Variants in RADIL observed in about 807,000 individuals in gnomAD.
The protein encoded by RADIL is Rap associating with DIL domain.
Under a neutral mutation model 97.6 loss-of-function variants are expected in RADIL, and 99 were observed. The observed-to-expected ratio is 1.01, with a 90% CI of 0.86 to 1.20. The LOEUF is 1.20. Among genes scored for constraint, RADIL ranks in the 50% most tolerant of loss-of-function variants. The pLI is 0.00. For missense variants in RADIL, 1,765 were observed against 1,498.9 expected, an observed-to-expected ratio of 1.18 and a Z score of -2.93; for synonymous variants, 803 against 691.8, an observed-to-expected ratio of 1.16 and a Z score of -2.52.
chr7:4,818,272 C>G lies in RADIL; in HGVS notation c.1616-921G>C, dbSNP rs1782732347. Among the ~76,000 whole-genome samples the G allele has an allele frequency of 6.6e-6, 1 of 152,188 alleles. No homozygotes were observed. Among genetic ancestry groups the G allele is most frequent in the Non-Finnish European group, 1.5e-5 (1 of 68,016 alleles). ...GGCCAACACTCACCCCAGCGCGGGC[C>G]TCCCAGGAGCACAGGCCCCCAGCTG... On this transcript the variant is annotated intron_variant, in intron 6 of 14. Transcript: ENST00000399583. This position sits in a 1 kb window ranked among gnomAD's most constrained non-coding sequence, Gnocchi z 7.1.
intron 9 of RADIL, among the ~76,000 whole-genome samples, chr7:4,812,427 A>G (rs1782572412): frequency 6.9e-6 from 1 of 145,876 alleles, no homozygotes; most frequent in Admixed American, 6.9e-5. Flanking sequence ...TTTTTATTTT[A>G]TTATTATTAT....
At chr7:4,839,150 C>G (rs149233091) in intron 2 of RADIL, among the ~76,000 whole-genome samples, 1 of 152,288 alleles carries the variant, frequency 6.6e-6, no homozygotes, top group East Asian at 1.9e-4. Flanking sequence ...CATGATATGA[C>G]GCGTTGGCTC....
intron 2 of RADIL, 69 bp from the exon 3 acceptor site, chr7:4,836,674 A>C: frequency 1.3e-5 from 20 of 1,584,374 alleles, no homozygotes; most frequent in African/African-American, 2.7e-5. Context: ...GCGGTGGCTC[A>C]CCCCTGTAAT....
At position 4,817,365 on chromosome 7, in the gene RADIL, G is replaced by C; in HGVS notation, c.1616-14C>G. ...ATTCCTTCGAGCCTGCCGGGAGACA[G>C]CCACGCCAATGGTCACAACGGGCAC... On this transcript the variant is annotated splice_polypyrimidine_tract_variant and intron_variant, in intron 6 of 14. Transcript: ENST00000399583. The surrounding 1 kb of genome is among the most constrained non-coding windows in gnomAD (Gnocchi z 8.3). 1 of 1,607,226 alleles carries C rather than the reference G, an allele frequency of 6.2e-7. No homozygotes were observed. The highest frequency in any genetic ancestry group is 8.5e-7 in the Non-Finnish European group (1 of 1,177,082).
Position 4,824,182 on chromosome 7 carries a change from C to A in RADIL, c.1455-1628G>T, listed in dbSNP as rs1782911535. Among the ~76,000 whole-genome samples the A allele has an allele frequency of 6.6e-6, 1 of 152,210 alleles. No homozygotes were observed. The highest frequency in any genetic ancestry group is 2.4e-5 in the African/African-American group (1 of 41,456). ...TGCCCCATGGCTGGCCCGGGTACCC[C>A]TTGTCACCTGTGTCCCTTACTGGGG... On this transcript the variant is annotated intron_variant, in intron 5 of 14. Coordinates refer to ENST00000399583, the MANE Select transcript of RADIL (RefSeq NM_018059.5). This position sits in a 1 kb window ranked among gnomAD's most constrained non-coding sequence, Gnocchi z 6.7.
Position 4,813,418 on chromosome 7 carries a change from C to G in RADIL, c.2139+1860G>C, listed in dbSNP as rs544241641. The stretch of plus-strand genomic sequence containing the variant: ...TGCTTTTGGTTCCGTTTTAAAGCCT[C>G]TCTCCATCGCACTCCCTGGAGATTC... On this transcript the variant is annotated intron_variant, in intron 9 of 14. Coordinates refer to ENST00000399583, the MANE Select transcript of RADIL (RefSeq NM_018059.5). This position sits in a 1 kb window ranked among gnomAD's most constrained non-coding sequence, Gnocchi z 5.0. Among the ~76,000 whole-genome samples, 1 of 152,318 alleles carries G rather than the reference C, an allele frequency of 6.6e-6. No individual in the cohort carries two copies. Among genetic ancestry groups the G allele is most frequent in the African/African-American group, 2.4e-5 (1 of 41,580 alleles).
chr7:4,810,315 G>A (rs1782504569), intron 9 of RADIL, among the ~76,000 whole-genome samples: 1 of 151,950 alleles, frequency 6.6e-6, no homozygotes, highest in South Asian at 2.1e-4. Context: ...CACCATGCCT[G>A]GCTAATTTAA....
rs1340991529 is a variant in RADIL at position 4,872,321 on chromosome 7, C to G, written c.535+5284G>C. Among the ~76,000 whole-genome samples, 1 of 152,208 alleles carries G rather than the reference C, an allele frequency of 6.6e-6. No homozygotes were observed. The highest frequency in any genetic ancestry group is 2.4e-5 in the African/African-American group (1 of 41,454). On this transcript the variant is annotated intron_variant, in intron 2 of 14. Coordinates refer to ENST00000399583, the MANE Select transcript of RADIL (RefSeq NM_018059.5). This position sits in a 1 kb window ranked among gnomAD's most constrained non-coding sequence, Gnocchi z 5.8. ...GCTCATCGCCCTGCAACCACGGACG[C>G]CTCCCTCAGCAAAGATGCCCCAACC...
intron 1 of RADIL, among the ~76,000 whole-genome samples, chr7:4,882,833 C>G (rs753126061): frequency 6.6e-6 from 1 of 152,196 alleles, no homozygotes. Flanking sequence ...AAGAGGTGGC[C>G]TATATTAACC....
Position 4,819,054 on chromosome 7 carries a change from TTCTC to T in RADIL, c.1616-1707_1616-1704del, listed in dbSNP as rs754714822. Among the ~76,000 whole-genome samples the T allele has an allele frequency of 0.019, 2,721 of 145,164 alleles. 56 individuals carry two copies. Among genetic ancestry groups the T allele is most frequent in the African/African-American group, 0.059 (2,183 of 37,142 alleles). ...CCTGCACCCGGCCCTGAGACTCCAT[TTCTC>T]TCTCTCTCTCTCTCTTTTTTTTTTT... On this transcript the variant is annotated intron_variant, in intron 6 of 14. Transcript: ENST00000399583. This position sits in a 1 kb window ranked among gnomAD's most constrained non-coding sequence, Gnocchi z 5.8.
Position 4,801,660 on chromosome 7 carries a change from A to G in RADIL, c.2835T>C (p.Ala945=). 2 of 1,597,220 alleles carry G rather than the reference A, an allele frequency of 1.3e-6. No homozygotes were observed. The highest frequency in any genetic ancestry group is 1.7e-6 in the Non-Finnish European group (2 of 1,173,196). ...RNGLSGLRGA[A]PEGDSAALAE... ...GCACCAGGCAGGGCTCACCTTCCGG[A>G]GCTGCACCCCGGAGGCCGCTGAGTC... The change falls in exon 12 of 15, where the codon GCT becomes GCC. Residue 945 remains alanine, a synonymous_variant. Transcript: ENST00000399583.
Position 4,837,873 on chromosome 7 carries a change from G to A in RADIL, c.536-1268C>T. On this transcript the variant is annotated intron_variant, in intron 2 of 14. Coordinates refer to ENST00000399583, the MANE Select transcript of RADIL (RefSeq NM_018059.5). The surrounding 1 kb of genome is among the most constrained non-coding windows in gnomAD (Gnocchi z 5.6). ...CGCTGTCTTTTCTGAGCCCTCTGCT[G>A]AGTTCCCTGTACGCAGCCTTTCAGG... 1.0e-6 allele frequency: 1 copy of A among 985,436 alleles called. No homozygotes were observed. Among genetic ancestry groups the A allele is most frequent in the Non-Finnish European group, 1.2e-6 (1 of 829,942 alleles). The allele number at this position is 985,436 out of a possible 1,614,324, so 61.0% of individuals were successfully genotyped here.
chr7:4,799,512 G>C lies in RADIL; in HGVS notation c.3123-29C>G, dbSNP rs780412798. 6 of 1,613,442 alleles carry C rather than the reference G, an allele frequency of 3.7e-6. No individual in the cohort carries two copies. The South Asian group carries it at 6.6e-5, about 18-fold the overall frequency. On this transcript the variant is annotated intron_variant, in intron 14 of 14. Transcript: ENST00000399583. ...AAATCCATGCCAGAGGTGGGGGTGG[G>C]CAGGAGGGCACCAGGGGAGACCCAC...
Position 4,836,516 on chromosome 7 carries a change from G to C in RADIL, c.625C>G (p.Pro209Ala). ...TCACTGACTGTGCGGCGCAACCGGGGTGGAGGAGAGCTCCGGGCATCCCCC... is the reference window on the plus strand; with the variant it reads ...TCACTGACTGTGCGGCGCAACCGGGCTGGAGGAGAGCTCCGGGCATCCCCC... ...ALGDARSSPP[P>A]RLRRTVSETS... Residue 209 changes from proline to alanine, a missense_variant, in exon 3 of 15, where the codon CCC becomes GCC. Coordinates refer to ENST00000399583, the MANE Select transcript of RADIL (RefSeq NM_018059.5). 6.2e-7 allele frequency: 1 copy of C among 1,607,544 alleles called. No homozygotes were observed. The highest frequency in any genetic ancestry group is 8.5e-7 in the Non-Finnish European group (1 of 1,179,116).
chr7:4,864,695 A>G (rs1215202604), intron 2 of RADIL, among the ~76,000 whole-genome samples: 3 of 152,130 alleles, frequency 2.0e-5, no homozygotes, highest in African/African-American at 7.2e-5. Flanking sequence ...CTCAACATCC[A>G]ATTCATTTAC....
rs778999879 is a variant in RADIL, at chr7:4,799,331, C to G, written c.*47G>C. ...AAGGCGGGAGGAAGCCCAGTGTCAC[C>G]AGGTGGGACCGGGTGCCGGGCCTGT... is the stretch of plus-strand genomic sequence containing the variant. On this transcript the variant is annotated 3_prime_UTR_variant, in exon 15 of 15. Coordinates refer to ENST00000399583, the MANE Select transcript of RADIL (RefSeq NM_018059.5). The G allele has an allele frequency of 6.3e-7, 1 of 1,586,064 alleles. No individual in the cohort carries two copies. Among genetic ancestry groups the G allele is most frequent in the Non-Finnish European group, 8.6e-7 (1 of 1,156,242 alleles).
intron 2 of RADIL, among the ~76,000 whole-genome samples, chr7:4,868,560 C>G (rs903536635): frequency 5.9e-5 from 9 of 152,224 alleles, no homozygotes; most frequent in African/African-American, 2.2e-4. Flanking sequence ...TGTGTGTTAG[C>G]CACGCTTGCT....
chr7:4,810,652 C>T (rs946209567), intron 9 of RADIL, among the ~76,000 whole-genome samples: 10 of 152,230 alleles, frequency 6.6e-5, no homozygotes, highest in African/African-American at 2.4e-4. Flanking sequence ...GAAGCATCTC[C>T]GTCGGGGAAA....
chr7:4,848,338 C>G (rs1783626760), intron 2 of RADIL, among the ~76,000 whole-genome samples: 1 of 151,040 alleles, frequency 6.6e-6, no homozygotes, highest in Admixed American at 6.6e-5. Flanking sequence ...ATAAAAATAC[C>G]TCTTATAATA....
Sources: allele counts gnomAD v4.1 joint callset (sites outside exome capture counted in the v4.1 genomes callset), GRCh38; gene constraint gnomAD v4.1.1; non-coding constraint Gnocchi (gnomAD v3.1); transcripts MANE v1.5; gene names NCBI Gene and HGNC (gene_info 2026-07-23, HGNC 2026-07-21).